The following GABRG3 variants were observed in gnomAD, a reference collection of about 807,000 sequenced individuals.
GABRG3 encodes gamma-aminobutyric acid receptor subunit gamma-3.
In GABRG3, 25 loss-of-function variants were observed where a neutral mutation model predicts 48.8. That is an observed-to-expected ratio of 0.51 (90% CI 0.37 to 0.72). The LOEUF is 0.72. GABRG3 is among the 30% of genes least tolerant of loss of function. The pLI is 0.00. For synonymous variants in GABRG3, 227 were observed against 217.6 expected (o/e 1.04, Z -0.38); for missense variants, 394 against 577.9 (o/e 0.68, Z 3.26).
intron 8 of GABRG3, 143 bp downstream of exon 8, chr15:27,527,772 C>A: frequency 9.7e-7 from 1 of 1,030,746 alleles, no homozygotes; most frequent in Non-Finnish European, 1.4e-6. Flanking sequence ...CAAAACCAGA[C>A]AGGGATTCTG....
At chr15:27,023,184 T>G (rs1895927438) in intron 2 of GABRG3, among the ~76,000 whole-genome samples, 1 of 152,182 alleles carries the variant, frequency 6.6e-6, no homozygotes, top group African/African-American at 2.4e-5. Flanking sequence ...TCCTATTTCT[T>G]TTAAAAAATA....
At chr15:27,081,249 A>G (rs879387520) in intron 3 of GABRG3, among the ~76,000 whole-genome samples, 1 of 152,198 alleles carries the variant, frequency 6.6e-6, no homozygotes, top group Admixed American at 6.5e-5. Context: ...CCCAGAGGCT[A>G]CAAGGATGCT....
intron 3 of GABRG3, among the ~76,000 whole-genome samples, chr15:27,174,584 G>GTCTCTCTCTCTCTCTC (rs150022606): frequency 4.3e-4 from 60 of 139,740 alleles, no homozygotes; most frequent in African/African-American, 1.4e-3. Context: ...TCTCTCTCTC[G>GTCTCTCTCTCTCTCTC]TCTCTCTCTC....
chr15:27,145,614 T>TATCTATCTATCTATCTATCA (rs1555406002), intron 3 of GABRG3, among the ~76,000 whole-genome samples: 2 of 143,500 alleles, frequency 1.4e-5, no homozygotes, highest in African/African-American at 2.7e-5. Context: ...TCTATCTATC[T>TATCTATCTATCTATCTATCA]ATCTATCTAT....
chr15:27,073,311 G>C (rs189547368), intron 3 of GABRG3, among the ~76,000 whole-genome samples: 1 of 152,240 alleles, frequency 6.6e-6, no homozygotes, highest in Non-Finnish European at 1.5e-5. Flanking sequence ...CTTCTGCAAG[G>C]TCTTTCTTGT....
At chr15:27,317,285 C>T (rs1266211467) in intron 3 of GABRG3, among the ~76,000 whole-genome samples, 4 of 152,202 alleles carry the variant, frequency 2.6e-5, no homozygotes, top group Non-Finnish European at 5.9e-5. Flanking sequence ...CGAGCTGACA[C>T]TACCCCCCAA....
intron 5 of GABRG3, among the ~76,000 whole-genome samples, chr15:27,357,429 C>G (rs567774907): frequency 6.6e-6 from 1 of 152,184 alleles, no homozygotes; most frequent in Non-Finnish European, 1.5e-5. Flanking sequence ...GGAACACCAC[C>G]CAAAACTTTT....
At chr15:27,386,521 C>T (rs969922497) in intron 5 of GABRG3, among the ~76,000 whole-genome samples, 2 of 151,992 alleles carry the variant, frequency 1.3e-5, no homozygotes, top group Admixed American at 1.3e-4. Flanking sequence ...GAACAATAAC[C>T]CTGGGATTTT....
At chr15:27,424,843 C>T (rs1595746228) in intron 5 of GABRG3, among the ~76,000 whole-genome samples, 1 of 152,054 alleles carries the variant, frequency 6.6e-6, no homozygotes. Flanking sequence ...CGTGAACCAC[C>T]GAACCTGGCC....
chr15:27,181,961 C>A (rs946680720), intron 3 of GABRG3, among the ~76,000 whole-genome samples: 1 of 149,878 alleles, frequency 6.7e-6, no homozygotes, highest in Non-Finnish European at 1.5e-5. Context: ...AATATAATTT[C>A]TACTATGATA....
At chr15:27,129,708 G>GT (rs202202572) in intron 3 of GABRG3, among the ~76,000 whole-genome samples, 4 of 140,822 alleles carry the variant, frequency 2.8e-5, no homozygotes, top group African/African-American at 1.0e-4. Flanking sequence ...GTTAGTTTCT[G>GT]TTTTGTTTTT....
chr15:27,002,744 C>CAA (rs71413297), intron 2 of GABRG3, among the ~76,000 whole-genome samples: 313 of 25,286 alleles, frequency 0.012, 2 homozygotes, highest in South Asian at 0.04. Context: ...CCGTGTCTCT[C>CAA]AAAAAAAAAA....
intron 5 of GABRG3, among the ~76,000 whole-genome samples, chr15:27,451,687 T>G (rs1889117011): frequency 6.6e-6 from 1 of 152,092 alleles, no homozygotes. Flanking sequence ...TATAAACAAC[T>G]GGGATTATAT....
At chr15:27,195,792 G>A (rs1331849395) in intron 3 of GABRG3, among the ~76,000 whole-genome samples, 2 of 152,084 alleles carry the variant, frequency 1.3e-5, no homozygotes, top group Non-Finnish European at 2.9e-5. Flanking sequence ...CCACCACCAT[G>A]CCTGGCTAAT....
intron 3 of GABRG3, among the ~76,000 whole-genome samples, chr15:27,211,918 A>G (rs1043273387): frequency 6.6e-6 from 1 of 152,208 alleles, no homozygotes; most frequent in Non-Finnish European, 1.5e-5. Flanking sequence ...TCCCCTGAGA[A>G]ACTAGTTCTT....
At chr15:27,088,576 C>T (rs1258415360) in intron 3 of GABRG3, among the ~76,000 whole-genome samples, 1 of 152,056 alleles carries the variant, frequency 6.6e-6, no homozygotes, top group Non-Finnish European at 1.5e-5. Context: ...CTCCCAGTTC[C>T]GCAGGCCTAA....
At chr15:26,992,896 T>C (rs1895274294) in intron 2 of GABRG3, among the ~76,000 whole-genome samples, 1 of 152,136 alleles carries the variant, frequency 6.6e-6, no homozygotes, top group Admixed American at 6.5e-5. Flanking sequence ...TACTTTTTAT[T>C]GGTCTGTTCA....
chr15:27,403,285 T>G (rs1240607837), intron 5 of GABRG3, among the ~76,000 whole-genome samples: 1 of 152,130 alleles, frequency 6.6e-6, no homozygotes, highest in African/African-American at 2.4e-5. Flanking sequence ...AATGCTCTTT[T>G]ACCAAAGAGC....
chr15:27,131,446 A>C (rs1897915070), intron 3 of GABRG3, among the ~76,000 whole-genome samples: 2 of 151,842 alleles, frequency 1.3e-5, no homozygotes, highest in Non-Finnish European at 2.9e-5. Context: ...ATAGCATTTC[A>C]TTCAGGATTC....
Sources: allele counts gnomAD v4.1 joint callset (sites outside exome capture counted in the v4.1 genomes callset), GRCh38; gene constraint gnomAD v4.1.1; transcripts MANE v1.5; gene names NCBI Gene and HGNC (gene_info 2026-07-23, HGNC 2026-07-21).